The following ST14 variants were observed in gnomAD, a reference collection of about 807,000 sequenced individuals.
The protein encoded by ST14 is ST14 transmembrane serine protease matriptase.
In ST14, 40 loss-of-function variants were observed where a neutral mutation model predicts 96.5. The ratio of observed to expected loss-of-function variants is 0.41; its 90% CI spans 0.32 to 0.54. ST14 has a LOEUF of 0.54. Among genes scored for constraint, ST14 ranks in the 20% least tolerant of loss-of-function variants. The pLI is 0.17. For synonymous variants in ST14, 506 were observed against 492.1 expected, an observed-to-expected ratio of 1.03 and a Z score of -0.37; for missense variants, 1,066 against 1,188.9, an observed-to-expected ratio of 0.90 and a Z score of 1.52.
rs1334516088 is a variant in ST14, at chr11:130,198,820, C to A, written c.1685-127C>A. ...GTAGCAGGGCAGGGAGGCCAGTGGG[C>A]GTGGGTGGGGCAGGCCTGGGTGAGG... On this transcript the variant is annotated intron_variant, in intron 14 of 18. Transcript: ENST00000278742. 1.9e-6 allele frequency: 3 copies of A among 1,580,588 alleles called. No homozygotes were observed. In the South Asian group the frequency reaches 3.4e-5, roughly 18 times the overall value.
chr11:130,209,592 C>A lies in ST14; in HGVS notation c.2406+14C>A, dbSNP rs567908814. The A allele has an allele frequency of 6.3e-7, 1 of 1,583,174 alleles. No individual in the cohort carries two copies. Among genetic ancestry groups the A allele is most frequent in the African/African-American group, 1.3e-5 (1 of 74,396 alleles). ...GACTCCTGCCAGGTGGCCCCCGGGGCAGGAGGGCGGCAGGTGGGCCCCGGG... is the reference window on the plus strand; with the variant it reads ...GACTCCTGCCAGGTGGCCCCCGGGGAAGGAGGGCGGCAGGTGGGCCCCGGG... On this transcript the variant is annotated intron_variant, in intron 18 of 18. Coordinates refer to ENST00000278742, the MANE Select transcript of ST14 (RefSeq NM_021978.4).
intron 1 of ST14, among the ~76,000 whole-genome samples, chr11:130,185,853 G>T (rs1953232440): frequency 6.6e-6 from 1 of 151,894 alleles, no homozygotes; most frequent in South Asian, 2.1e-4. Context: ...TGTCACCCAG[G>T]CCGGAGTTCA....
At chr11:130,200,191 G>A (rs975165431) in intron 16 of ST14, 54 bp downstream of exon 16, 3 of 1,600,792 alleles carry the variant, frequency 1.9e-6, no homozygotes, top group Non-Finnish European at 8.5e-7. Context: ...TTGCATCTGG[G>A]AGTAATGCCA....
At position 130,175,765 on chromosome 11, in the gene ST14, G is replaced by A. The variant is rs558840724; in HGVS notation, c.82-12349G>A. Among the ~76,000 whole-genome samples the A allele has an allele frequency of 5.9e-5, 9 of 152,090 alleles. No individual in the cohort carries two copies. In the East Asian group the frequency reaches 1.7e-3, roughly 29 times the overall value. On this transcript the variant is annotated intron_variant, in intron 1 of 18. Coordinates refer to ENST00000278742, the MANE Select transcript of ST14 (RefSeq NM_021978.4). ...TGCAACCTCCACCCCCTGGGTTCAAGCGATTCTCCTGTCTCAGCCTCCCGA... is the reference window on the plus strand; with the variant it reads ...TGCAACCTCCACCCCCTGGGTTCAAACGATTCTCCTGTCTCAGCCTCCCGA...
chr11:130,197,457 G>A (rs1953378843), intron 11 of ST14, among the ~76,000 whole-genome samples: 1 of 152,268 alleles, frequency 6.6e-6, no homozygotes, highest in African/African-American at 2.4e-5. Flanking sequence ...ACATGCATCG[G>A]GGACCAGCTG....
intron 1 of ST14, among the ~76,000 whole-genome samples, chr11:130,179,428 G>A (rs1287264419): frequency 6.6e-6 from 1 of 152,188 alleles, no homozygotes; most frequent in Non-Finnish European, 1.5e-5. Flanking sequence ...GAGGATTCCA[G>A]TGTGGCCTTT....
chr11:130,203,554 G>T (rs926572733), intron 16 of ST14, among the ~76,000 whole-genome samples: 1 of 152,242 alleles, frequency 6.6e-6, no homozygotes, highest in Non-Finnish European at 1.5e-5. Flanking sequence ...ACACGGCCAC[G>T]TTATCTGGCC....
chr11:130,194,103 T>C (rs766538783), intron 7 of ST14, 46 bp from the exon 8 acceptor site: 3 of 1,613,840 alleles, frequency 1.9e-6, no homozygotes, highest in South Asian at 1.1e-5. Context: ...TGTGAGAAGC[T>C]TGGGTTCTGT....
chr11:130,180,337 C>T (rs1376561816), intron 1 of ST14, among the ~76,000 whole-genome samples: 3 of 152,240 alleles, frequency 2.0e-5, no homozygotes, highest in Non-Finnish European at 2.9e-5. Flanking sequence ...GGTTCAGCCG[C>T]TTCCTTCCCA....
At position 130,198,357 on chromosome 11, in the gene ST14, C is replaced by G. The variant is rs1953390298; in HGVS notation, c.1509C>G (p.Pro503=). 6.2e-7 allele frequency: 1 copy of G among 1,614,074 alleles called. No individual in the cohort carries two copies. The highest frequency in any genetic ancestry group is 1.1e-5 in the South Asian group (1 of 91,088). Residue 503 remains proline, a synonymous_variant, in exon 13 of 19, where the codon CCC becomes CCG. Coordinates refer to ENST00000278742, the MANE Select transcript of ST14 (RefSeq NM_021978.4). ...QFTCKNKFCK[P]LFWVCDSVND... is the part of the protein sequence containing the mutation. ...CGTGCAAGAACAAGTTCTGCAAGCC[C>G]CTCTTCTGGGTCTGCGACAGTGTGA...
At chr11:130,175,663 C>T (rs533325750) in intron 1 of ST14, among the ~76,000 whole-genome samples, 203 of 151,582 alleles carry the variant, frequency 1.3e-3, no homozygotes, top group Non-Finnish European at 2.1e-3. Flanking sequence ...GGATTACAGG[C>T]GTGAGCCACC....
Position 130,188,134 on chromosome 11 carries a change from A to G in ST14, c.102A>G (p.Glu34=). 6.2e-7 allele frequency: 1 copy of G among 1,614,184 alleles called. No individual in the cohort carries two copies. Among genetic ancestry groups the G allele is most frequent in the Non-Finnish European group, 8.5e-7 (1 of 1,180,026 alleles). ...TGCAGAAAGTGAATGGCTTGGAGGA[A>G]GGCGTGGAGTTCCTGCCAGTCAACA... ...SRHEKVNGLE[E]GVEFLPVNNV... is the part of the protein sequence containing the mutation. The change falls in exon 2 of 19, where the codon GAA becomes GAG. Residue 34 remains glutamate (E), a synonymous_variant. Coordinates refer to ENST00000278742, the MANE Select transcript of ST14 (RefSeq NM_021978.4). This position sits in a 1 kb window ranked among gnomAD's most constrained non-coding sequence, Gnocchi z 5.4.
chr11:130,187,861 C>G lies in ST14; in HGVS notation c.82-253C>G, dbSNP rs933727720. On this transcript the variant is annotated intron_variant, in intron 1 of 18. Coordinates refer to ENST00000278742, the MANE Select transcript of ST14 (RefSeq NM_021978.4). This position sits in a 1 kb window ranked among gnomAD's most constrained non-coding sequence, Gnocchi z 4.5. ...ATTCGTAAGCAATGATCGCCTGGTGCTGTCCAGACCCTGAGATGCGTGGTT... is the reference window on the plus strand; with the variant it reads ...ATTCGTAAGCAATGATCGCCTGGTGGTGTCCAGACCCTGAGATGCGTGGTT... 5.3e-5 allele frequency among the ~76,000 whole-genome samples: 8 copies of G among 152,208 alleles called. No homozygotes were observed. The highest frequency in any genetic ancestry group is 1.0e-4 in the Non-Finnish European group (7 of 68,042).
At position 130,194,179 on chromosome 11, in the gene ST14, C is replaced by A; in HGVS notation, c.906C>A (p.Asn302Lys). 1 of 1,614,246 alleles carries A rather than the reference C, an allele frequency of 6.2e-7. No homozygotes were observed. Among genetic ancestry groups the A allele is most frequent in the South Asian group, 1.1e-5 (1 of 91,086 alleles). Reference sequence around the variant, plus strand: ...GTGGCACCTACCCTCCCTCCTACAACCTGACCTTCCACTCCTCCCAGAACG... The same window carrying A: ...GTGGCACCTACCCTCCCTCCTACAAACTGACCTTCCACTCCTCCCAGAACG... ...QLCGTYPPSY[N>K]LTFHSSQNVL... The change falls in exon 8 of 19, where the codon AAC becomes AAA. Residue 302 changes from asparagine to lysine, a missense_variant. By Grantham distance (94) the Asn-to-Lys change is moderately conservative. Coordinates refer to ENST00000278742, the MANE Select transcript of ST14 (RefSeq NM_021978.4).
chr11:130,165,190 C>A (rs736651), intron 1 of ST14, among the ~76,000 whole-genome samples: 1 of 152,048 alleles, frequency 6.6e-6, no homozygotes, highest in East Asian at 1.9e-4. Context: ...CTGTGACATG[C>A]GGAACAGGGC....
intron 1 of ST14, among the ~76,000 whole-genome samples, chr11:130,184,694 C>T (rs1565622080): frequency 6.6e-6 from 1 of 152,078 alleles, no homozygotes; most frequent in Non-Finnish European, 1.5e-5. Context: ...GACAAAGGCC[C>T]CAGCAGACTC....
intron 1 of ST14, among the ~76,000 whole-genome samples, chr11:130,167,882 T>C (rs1208603328): frequency 6.6e-6 from 1 of 152,160 alleles, no homozygotes; most frequent in Non-Finnish European, 1.5e-5. Flanking sequence ...GCCAGGCTAA[T>C]TTTTGTATTT....
intron 1 of ST14, among the ~76,000 whole-genome samples, chr11:130,175,341 C>CTCTTT (rs933913430): frequency 6.6e-6 from 1 of 151,820 alleles, no homozygotes. Context: ...TGGAATATCA[C>CTCTTT]TCTTTTCTTT....
intron 9 of ST14, among the ~76,000 whole-genome samples, chr11:130,195,667 A>AC: frequency 6.6e-6 from 1 of 152,140 alleles, no homozygotes; most frequent in Admixed American, 6.5e-5. Context: ...AGCCTGGGCA[A>AC]CATTGTGAAA....
Sources: allele counts gnomAD v4.1 joint callset (sites outside exome capture counted in the v4.1 genomes callset), GRCh38; gene constraint gnomAD v4.1.1; non-coding constraint Gnocchi (gnomAD v3.1); transcripts MANE v1.5; gene names NCBI Gene and HGNC (gene_info 2026-07-23, HGNC 2026-07-21).